Variants in TEAD1 observed in about 807,000 individuals in gnomAD.
The protein encoded by TEAD1 is TEA domain transcription factor 1.
A neutral mutation model predicts 54.9 loss-of-function variants in TEAD1; 9 were observed. The observed-to-expected ratio is 0.16, with a 90% CI of 0.10 to 0.29. The LOEUF (loss-of-function observed/expected upper bound fraction) is 0.29. TEAD1 is among the 10% of genes least tolerant of loss of function. The pLI is 1.00. For missense variants in TEAD1, 387 were observed against 535.9 expected, an observed-to-expected ratio of 0.72 and a Z score of 2.74; for synonymous variants, 200 against 187.8, an observed-to-expected ratio of 1.07 and a Z score of -0.53.
At chr11:12,724,251 T>C (rs1194543186) in intron 2 of TEAD1, among the ~76,000 whole-genome samples, 1 of 152,202 alleles carries the variant, frequency 6.6e-6, no homozygotes, top group Non-Finnish European at 1.5e-5. Flanking sequence ...GCTGCCCCAC[T>C]ATGCGCATAG....
chr11:12,943,744 T>C lies in TEAD1; in HGVS notation c.*6522T>C, dbSNP rs1949181932. The C allele has an allele frequency of 6.6e-6, 1 of 152,126 alleles. No homozygotes were observed. Among genetic ancestry groups the C allele is most frequent in the South Asian group, 2.1e-4 (1 of 4,814 alleles). 9.4% of individuals were successfully genotyped at this position (152,126 alleles called of 1,614,324 possible). On this transcript the variant is annotated 3_prime_UTR_variant, in exon 13 of 13. Transcript: ENST00000527636. ...TAGGTGTCAATCAATTGGAAACCAG[T>C]CTCTGATTTTTTTTCATTAGTTATT...
At chr11:12,785,801 A>C (rs577632527) in intron 3 of TEAD1, among the ~76,000 whole-genome samples, 1 of 152,328 alleles carries the variant, frequency 6.6e-6, no homozygotes, top group African/African-American at 2.4e-5. Context: ...TCGTGAGCAT[A>C]TCTCTGACAA....
chr11:12,921,584 CATA>C (rs1450535209), intron 10 of TEAD1, among the ~76,000 whole-genome samples: 4 of 151,196 alleles, frequency 2.6e-5, no homozygotes, highest in African/African-American at 9.7e-5. Flanking sequence ...CAGGCTACAT[CATA>C]ATAATAACAG....
At chr11:12,825,157 TTTA>T (rs1946625706) in intron 3 of TEAD1, among the ~76,000 whole-genome samples, 1 of 152,338 alleles carries the variant, frequency 6.6e-6, no homozygotes, top group African/African-American at 2.4e-5. Flanking sequence ...CTTCATGCAC[TTTA>T]TTAATGTGGC....
chr11:12,887,534 A>G (rs563592565), intron 9 of TEAD1, among the ~76,000 whole-genome samples: 22 of 152,326 alleles, frequency 1.4e-4, no homozygotes, highest in Admixed American at 1.0e-3. Context: ...AGCATTTGAC[A>G]GTATCTTAAG....
intron 2 of TEAD1, among the ~76,000 whole-genome samples, chr11:12,758,222 G>GTT (rs1169640057): frequency 6.7e-6 from 1 of 149,316 alleles, no homozygotes; most frequent in African/African-American, 2.5e-5. Context: ...AACTCACTAA[G>GTT]TTTTTGTTTT....
intron 3 of TEAD1, among the ~76,000 whole-genome samples, chr11:12,801,732 CCA>C (rs1325534164): frequency 1.3e-5 from 2 of 152,142 alleles, no homozygotes; most frequent in East Asian, 3.9e-4. Flanking sequence ...TGCATTGTCG[CCA>C]CAGAGTCAAA....
intron 2 of TEAD1, among the ~76,000 whole-genome samples, chr11:12,735,562 ATT>A (rs58093822): frequency 5.5e-4 from 67 of 120,944 alleles, no homozygotes; most frequent in African/African-American, 1.1e-3. Flanking sequence ...TCCTGGTTCG[ATT>A]TTTTTTTTTT....
intron 2 of TEAD1, among the ~76,000 whole-genome samples, chr11:12,692,215 T>G (rs531291565): frequency 6.6e-6 from 1 of 152,336 alleles, no homozygotes; most frequent in East Asian, 1.9e-4. Flanking sequence ...GACTATGCAC[T>G]TAGGCCAACC....
intron 2 of TEAD1, among the ~76,000 whole-genome samples, chr11:12,743,271 G>A (rs1330329695): frequency 2.0e-5 from 3 of 152,234 alleles, no homozygotes; most frequent in Non-Finnish European, 1.5e-5. Context: ...CTTATTGACA[G>A]CACTCAATAA....
At chr11:12,927,302 G>A (rs1231815023) in intron 11 of TEAD1, among the ~76,000 whole-genome samples, 1 of 152,186 alleles carries the variant, frequency 6.6e-6, no homozygotes, top group African/African-American at 2.4e-5. Flanking sequence ...AACCACTTAT[G>A]AAATGATTCA....
chr11:12,884,580 G>T (rs1948047505), intron 9 of TEAD1, among the ~76,000 whole-genome samples: 2 of 152,154 alleles, frequency 1.3e-5, no homozygotes, highest in Non-Finnish European at 2.9e-5. Flanking sequence ...GTCATCACCA[G>T]AGTGGAGAAC....
chr11:12,791,499 T>C (rs1485241675), intron 3 of TEAD1, among the ~76,000 whole-genome samples: 1 of 152,076 alleles, frequency 6.6e-6, no homozygotes, highest in Non-Finnish European at 1.5e-5. Context: ...GTTTCTGGGG[T>C]GGGCAGGTCC....
chr11:12,854,701 C>T (rs1337486082), intron 3 of TEAD1, among the ~76,000 whole-genome samples: 3 of 151,934 alleles, frequency 2.0e-5, no homozygotes, highest in East Asian at 1.9e-4. Flanking sequence ...AAGCAATCCT[C>T]CTGCTTCAGC....
chr11:12,864,063 T>C (rs1311227153), intron 4 of TEAD1, among the ~76,000 whole-genome samples: 1 of 104,886 alleles, frequency 9.5e-6, no homozygotes, highest in Non-Finnish European at 2.1e-5. Flanking sequence ...TAAAGATTTT[T>C]ATAAGGGCAA....
chr11:12,847,214 A>G (rs144593051), intron 3 of TEAD1, among the ~76,000 whole-genome samples: 4 of 139,900 alleles, frequency 2.9e-5, no homozygotes, highest in Non-Finnish European at 6.4e-5. Context: ...AACAGTAGCA[A>G]TATCATTAAG....
At chr11:12,736,555 C>T (rs966954401) in intron 2 of TEAD1, among the ~76,000 whole-genome samples, 7 of 152,076 alleles carry the variant, frequency 4.6e-5, no homozygotes, top group East Asian at 1.9e-4. Flanking sequence ...AAAAAATGTG[C>T]GTCTATGAAT....
chr11:12,944,039 C>T lies in TEAD1; in HGVS notation c.*6817C>T, dbSNP rs183819005. Reference sequence around the variant, plus strand: ...ATTTTATGTAAATCGGTTTTCGCCACGTGTGTTTGTTCACATTCTAAATGA... The same window carrying T: ...ATTTTATGTAAATCGGTTTTCGCCATGTGTGTTTGTTCACATTCTAAATGA... On this transcript the variant is annotated 3_prime_UTR_variant, in exon 13 of 13. Coordinates refer to ENST00000527636, the MANE Select transcript of TEAD1 (RefSeq NM_021961.6). The T allele has an allele frequency of 1.6e-4, 25 of 152,640 alleles. No homozygotes were observed. Among genetic ancestry groups the T allele is most frequent in the African/African-American group, 2.4e-4 (10 of 41,532 alleles). The allele number at this position is 152,640 out of a possible 1,614,324, so 9.5% of individuals were successfully genotyped here.
intron 2 of TEAD1, among the ~76,000 whole-genome samples, chr11:12,717,423 A>AG (rs1944088513): frequency 6.6e-6 from 1 of 152,194 alleles, no homozygotes; most frequent in Admixed American, 6.5e-5. Flanking sequence ...GTGCTGTGTA[A>AG]GGTGGACAGT....
Sources: allele counts gnomAD v4.1 joint callset (sites outside exome capture counted in the v4.1 genomes callset), GRCh38; gene constraint gnomAD v4.1.1; transcripts MANE v1.5; gene names NCBI Gene and HGNC (gene_info 2026-07-23, HGNC 2026-07-21).